SERGEF: variants seen among roughly 807,000 people sequenced by gnomAD.
SERGEF encodes secretion-regulating guanine nucleotide exchange factor.
SERGEF carries 51 observed loss-of-function variants against 50.0 expected under a neutral mutation model. The ratio of observed to expected loss-of-function variants is 1.02; its 90% confidence interval spans 0.81 to 1.29. The LOEUF (loss-of-function observed/expected upper bound fraction) is 1.29, where lower values mean the gene tolerates loss of function less well. Among genes scored for constraint, SERGEF ranks in the 50% most tolerant of loss-of-function variants. The pLI is 0.00. For synonymous variants in SERGEF, 205 were observed against 212.4 expected, an observed-to-expected ratio of 0.97 and a Z score of 0.30; for missense variants, 521 against 557.0, an observed-to-expected ratio of 0.94 and a Z score of 0.65.
chr11:17,909,991 C>T (rs900367726), intron 9 of SERGEF, among the ~76,000 whole-genome samples: 1 of 152,170 alleles, frequency 6.6e-6, no homozygotes, highest in Non-Finnish European at 1.5e-5. Context: ...AGTTCCCTAT[C>T]TCTCATGCAC....
intron 9 of SERGEF, among the ~76,000 whole-genome samples, chr11:17,898,006 T>A (rs1487642733): frequency 6.6e-6 from 1 of 152,244 alleles, no homozygotes; most frequent in Non-Finnish European, 1.5e-5. Flanking sequence ...CAAAAAGCTA[T>A]GCTACATAGA....
At chr11:17,995,748 A>T in intron 6 of SERGEF, 48 bp downstream of exon 6, 1 of 1,287,104 alleles carries the variant, frequency 7.8e-7, no homozygotes, top group African/African-American at 1.5e-5. Context: ...TTATGTCTCT[A>T]CTTCCTGACA....
chr11:17,909,448 T>C (rs1851909032), intron 9 of SERGEF, among the ~76,000 whole-genome samples: 1 of 152,182 alleles, frequency 6.6e-6, no homozygotes, highest in Non-Finnish European at 1.5e-5. Context: ...TATGTTACCA[T>C]TCCCAGTGGG....
At chr11:17,832,004 A>G (rs1269949397) in intron 10 of SERGEF, among the ~76,000 whole-genome samples, 3 of 152,234 alleles carry the variant, frequency 2.0e-5, no homozygotes, top group Non-Finnish European at 2.9e-5. Flanking sequence ...ACAGAGTGTA[A>G]AAAGTCCACT....
chr11:17,818,290 GA>G (rs1295161898), intron 10 of SERGEF, among the ~76,000 whole-genome samples: 2 of 152,080 alleles, frequency 1.3e-5, no homozygotes, highest in Non-Finnish European at 2.9e-5. Flanking sequence ...TAATCTCTAA[GA>G]GTTTCAATTT....
intron 10 of SERGEF, among the ~76,000 whole-genome samples, chr11:17,794,474 A>C (rs1489705180): frequency 6.6e-6 from 1 of 152,234 alleles, no homozygotes; most frequent in Non-Finnish European, 1.5e-5. Flanking sequence ...AGAGAGGTAA[A>C]GTAATTTGTC....
In SERGEF at chr11:17,995,896, C is replaced by T. The variant is rs1490620830; in HGVS notation, c.522G>A (p.Val174=). Residue 174 remains valine, a synonymous_variant, in exon 6 of 11, where the codon GTG becomes GTA. Coordinates refer to ENST00000265965, the MANE Select transcript of SERGEF (RefSeq NM_012139.4). ...HAVAATASGI[V]FQWGTGLASC... The stretch of plus-strand genomic sequence containing the variant: ...ATGCCAAACCAGTCCCCCACTGGAA[C>T]ACGATGCCACTCGCTTCCCAACAGA... 6.2e-7 allele frequency: 1 copy of T among 1,612,878 alleles called. No homozygotes were observed. Among genetic ancestry groups the T allele is most frequent in the East Asian group, 2.2e-5 (1 of 44,866 alleles).
At chr11:17,870,919 C>T (rs1249208357) in intron 10 of SERGEF, among the ~76,000 whole-genome samples, 1 of 152,092 alleles carries the variant, frequency 6.6e-6, no homozygotes, top group Non-Finnish European at 1.5e-5. Flanking sequence ...AAAAGCACAT[C>T]AACACATATA....
chr11:17,837,548 T>C (rs1254363446), intron 10 of SERGEF, among the ~76,000 whole-genome samples: 1 of 151,366 alleles, frequency 6.6e-6, no homozygotes, highest in Non-Finnish European at 1.5e-5. Flanking sequence ...GGCTCCCCTT[T>C]GTCTTCTGTC....
At position 18,000,702 on chromosome 11, in the gene SERGEF, T is replaced by C. The variant is rs555972503; in HGVS notation, c.448-145A>G. 814 of 722,350 alleles carry C rather than the reference T, an allele frequency of 1.1e-3. 5 individuals are homozygous for C. Among genetic ancestry groups the C allele is most frequent in the South Asian group, 4.4e-3 (297 of 66,864 alleles). 44.7% of individuals were successfully genotyped at this position (722,350 alleles called of 1,614,324 possible). A position where few individuals can be genotyped will look rare whatever the true frequency, so the allele number is the denominator to read the frequency against. On this transcript the variant is annotated intron_variant, in intron 4 of 10. Coordinates refer to ENST00000265965, the MANE Select transcript of SERGEF (RefSeq NM_012139.4). Reference sequence around the variant, plus strand: ...CCACTCCCCCCAATATTTCCACCCATTAATACCTCTACATTTATCCCTAAA... The same window carrying C: ...CCACTCCCCCCAATATTTCCACCCACTAATACCTCTACATTTATCCCTAAA...
At chr11:17,861,757 G>A (rs540903565) in intron 10 of SERGEF, among the ~76,000 whole-genome samples, 1 of 152,378 alleles carries the variant, frequency 6.6e-6, no homozygotes, top group South Asian at 2.1e-4. Flanking sequence ...CTAGAATGGG[G>A]CAGAATCTGG....
At chr11:17,961,850 G>C (rs1006878210) in intron 8 of SERGEF, among the ~76,000 whole-genome samples, 1 of 152,116 alleles carries the variant, frequency 6.6e-6, no homozygotes, top group Admixed American at 6.6e-5. Flanking sequence ...GCATCAGAAG[G>C]CTCACCCAGG....
intron 9 of SERGEF, among the ~76,000 whole-genome samples, chr11:17,926,172 G>GTT (rs142157396): frequency 3.3e-5 from 5 of 151,048 alleles, no homozygotes; most frequent in Admixed American, 6.6e-5. Flanking sequence ...CATTCACCCA[G>GTT]TTTTTTTTTC....
At chr11:17,909,546 T>C (rs1028816182) in intron 9 of SERGEF, among the ~76,000 whole-genome samples, 4 of 152,218 alleles carry the variant, frequency 2.6e-5, no homozygotes, top group Non-Finnish European at 5.9e-5. Flanking sequence ...CCAGCTGGGA[T>C]GGCACAGAAT....
chr11:17,807,580 C>T (rs903016141), intron 10 of SERGEF, among the ~76,000 whole-genome samples: 1 of 152,228 alleles, frequency 6.6e-6, no homozygotes, highest in Non-Finnish European at 1.5e-5. Flanking sequence ...CCCAAATTAC[C>T]ACTTCTCTTG....
chr11:17,853,024 C>T (rs1164693764), intron 10 of SERGEF, among the ~76,000 whole-genome samples: 5 of 152,142 alleles, frequency 3.3e-5, no homozygotes, highest in East Asian at 1.9e-4. Context: ...AGTAGTAGCA[C>T]GGAGTCTGGA....
Position 17,926,402 on chromosome 11 carries a change from A to C in SERGEF, c.1011+33068T>G, listed in dbSNP as rs555561362. Among the ~76,000 whole-genome samples the C allele has an allele frequency of 3.0e-4, 46 of 152,286 alleles. No individual in the cohort carries two copies. The East Asian group carries it at 8.5e-3, about 28-fold the overall frequency. On this transcript the variant is annotated intron_variant, in intron 9 of 10. Coordinates refer to ENST00000265965, the MANE Select transcript of SERGEF (RefSeq NM_012139.4). ...CAAGCAGGGCCAGAGGCAGGGAGAG[A>C]CAGGTAAACAGATGGAAAACCTGCA... is the stretch of plus-strand genomic sequence containing the variant.
intron 4 of SERGEF, among the ~76,000 whole-genome samples, chr11:18,003,129 A>T (rs1853999384): frequency 6.6e-6 from 1 of 152,242 alleles, no homozygotes; most frequent in South Asian, 2.1e-4. Flanking sequence ...CCAACAACTG[A>T]GTTCAGCAAG....
At chr11:17,826,268 A>T (rs1850194053) in intron 10 of SERGEF, among the ~76,000 whole-genome samples, 1 of 152,250 alleles carries the variant, frequency 6.6e-6, no homozygotes, top group Non-Finnish European at 1.5e-5. Flanking sequence ...TATTTCTGAA[A>T]GGAATGTATC....
Sources: allele counts gnomAD v4.1 joint callset (sites outside exome capture counted in the v4.1 genomes callset), GRCh38; gene constraint gnomAD v4.1.1; transcripts MANE v1.5; gene names NCBI Gene and HGNC (gene_info 2026-07-23, HGNC 2026-07-21).